IL1RAPL1: variants seen among roughly 807,000 people sequenced by gnomAD.
IL1RAPL1 encodes the protein interleukin 1 receptor accessory protein like 1, also known as interleukin-1 receptor accessory protein-like 1.
A neutral mutation model predicts 48.4 loss-of-function variants in IL1RAPL1; 3 were observed. The ratio of observed to expected loss-of-function variants is 0.06; its 90% CI spans 0.03 to 0.16. The LOEUF (loss-of-function observed/expected upper bound fraction) is 0.16. IL1RAPL1 is among the 10% of genes least tolerant of loss of function. The pLI is 1.00. For synonymous variants in IL1RAPL1, 185 were observed against 187.7 expected, an observed-to-expected ratio of 0.99 and a Z score of 0.12; for missense variants, 349 against 530.6, an observed-to-expected ratio of 0.66 and a Z score of 3.36.
chrX:29,904,377 T>TAAG (rs1265604559), intron 6 of IL1RAPL1, among the ~76,000 whole-genome samples: 2 of 111,446 alleles, frequency 1.8e-5, no homozygotes. Flanking sequence ...ATTTTAATTT[T>TAAG]TTAAGTTCTG....
chrX:28,751,518 TA>T (rs1271289227), intron 1 of IL1RAPL1, among the ~76,000 whole-genome samples: 1 of 112,065 alleles, frequency 8.9e-6, no homozygotes, highest in Non-Finnish European at 1.9e-5. Context: ...AATGTTTATG[TA>T]AAAAAAGTTG....
chrX:28,946,173 G>T (rs970880605), intron 2 of IL1RAPL1, among the ~76,000 whole-genome samples: 1 of 109,686 alleles, frequency 9.1e-6, no homozygotes, highest in African/African-American at 3.3e-5. Flanking sequence ...TCATTAATTT[G>T]TATCTGACGC....
chrX:29,757,109 ATG>A (rs1928637530), intron 6 of IL1RAPL1, among the ~76,000 whole-genome samples: 1 of 112,488 alleles, frequency 8.9e-6, no homozygotes, highest in African/African-American at 3.2e-5. Flanking sequence ...GAGCCAATAC[ATG>A]TCTGTTGTTT....
chrX:29,247,325 A>C (rs1328502736), intron 2 of IL1RAPL1, among the ~76,000 whole-genome samples: 1 of 111,848 alleles, frequency 8.9e-6, no homozygotes, highest in African/African-American at 3.2e-5. Flanking sequence ...AAAAATTTTT[A>C]TATAATCCTA....
At chrX:29,835,898 T>TC (rs751809384) in intron 6 of IL1RAPL1, among the ~76,000 whole-genome samples, 1,312 of 101,344 alleles carry the variant, frequency 0.013, 22 homozygotes, top group African/African-American at 0.048. Context: ...TTTTTTTTTT[T>TC]AGTTAGTTAG....
chrX:29,574,260 A>C (rs145706785), intron 5 of IL1RAPL1: 2,997 of 109,012 alleles, frequency 0.027, 116 homozygotes, highest in African/African-American at 0.096. Flanking sequence ...GCAAGGGGAA[A>C]ATCTGCCTCC....
rs199971765 is a variant in IL1RAPL1 at position 29,920,063 on chromosome X, T to C, written c.1026T>C (p.Arg342=). The C allele has an allele frequency of 2.8e-5, 34 of 1,210,082 alleles. No individual in the cohort carries two copies. Among genetic ancestry groups the C allele is most frequent in the Non-Finnish European group, 3.6e-5 (32 of 895,124 alleles). The stretch of plus-strand genomic sequence containing the variant: ...GTTATGTTGAAAATGGAAATGGACG[T>C]CGACACGCCAGCGTTCTCCTTCATA... ...YSCYVENGNG[R]RHASVLLHKR... The change falls in exon 8 of 11, where the codon CGT becomes CGC. Residue 342 remains arginine, a synonymous_variant. Transcript: ENST00000378993.
At chrX:28,594,219 C>T (rs1056003409) in intron 1 of IL1RAPL1, among the ~76,000 whole-genome samples, 4 of 110,786 alleles carry the variant, frequency 3.6e-5, no homozygotes, top group Admixed American at 2.9e-4. Context: ...AAGGTAAGTG[C>T]GTATGGTGGT....
intron 1 of IL1RAPL1, among the ~76,000 whole-genome samples, chrX:28,759,195 G>A (rs772745564): frequency 9.1e-6 from 1 of 109,622 alleles, no homozygotes; most frequent in East Asian, 2.9e-4. Flanking sequence ...GTGAGATCAC[G>A]CCATTGCACT....
chrX:29,040,803 C>T (rs751626738), intron 2 of IL1RAPL1, among the ~76,000 whole-genome samples: 9 of 111,913 alleles, frequency 8.0e-5, no homozygotes, highest in Admixed American at 1.9e-4. Context: ...ATGGAACTAA[C>T]CACCTACAGT....
intron 2 of IL1RAPL1, among the ~76,000 whole-genome samples, chrX:29,166,759 C>G (rs1435043346): frequency 2.7e-5 from 3 of 111,484 alleles, no homozygotes; most frequent in Admixed American, 1.9e-4. Flanking sequence ...CCATTCCTCT[C>G]ATCTTACTCT....
At position 29,677,429 on chromosome X, in the gene IL1RAPL1, C is replaced by G. The variant is rs905786759; in HGVS notation, c.778+8925C>G. ...ATGTCAGGTTTAAGAGGCTCTGTCC[C>G]CCATTCTCTTTTAAGCAGCTAATGA... is the stretch of plus-strand genomic sequence containing the variant. On this transcript the variant is annotated intron_variant, in intron 6 of 10. Transcript: ENST00000378993. Among the ~76,000 whole-genome samples the G allele has an allele frequency of 3.1e-4, 35 of 111,594 alleles. 1 individual carries two copies. The highest frequency in any genetic ancestry group is 1.1e-3 in the African/African-American group (35 of 30,745).
chrX:28,879,433 A>G lies in IL1RAPL1; in HGVS notation c.82+90008A>G, dbSNP rs183067233. On this transcript the variant is annotated intron_variant, in intron 2 of 10. Coordinates refer to ENST00000378993, the MANE Select transcript of IL1RAPL1 (RefSeq NM_014271.4). ...AATACCTAATATATAAATAATTATA[A>G]TAATAAACCACATTGTCAAAAGAGA... is the stretch of plus-strand genomic sequence containing the variant. Among the ~76,000 whole-genome samples, 42 of 111,689 alleles carry G rather than the reference A, an allele frequency of 3.8e-4. 1 individual carries two copies. The highest frequency in any genetic ancestry group is 3.7e-3 in the Admixed American group (39 of 10,417).
chrX:29,412,915 A>G (rs1934162863), intron 5 of IL1RAPL1, among the ~76,000 whole-genome samples: 1 of 112,329 alleles, frequency 8.9e-6, no homozygotes, highest in African/African-American at 3.2e-5. Flanking sequence ...ATACAAATGG[A>G]AGTGGCTACT....
chrX:29,780,033 G>A (rs1178724135), intron 6 of IL1RAPL1, among the ~76,000 whole-genome samples: 1 of 110,757 alleles, frequency 9.0e-6, no homozygotes, highest in Non-Finnish European at 1.9e-5. Flanking sequence ...ATATCACTAC[G>A]TTTGCTGACG....
At chrX:29,206,064 T>C (rs1328864420) in intron 2 of IL1RAPL1, among the ~76,000 whole-genome samples, 1 of 111,432 alleles carries the variant, frequency 9.0e-6, no homozygotes, top group Non-Finnish European at 1.9e-5. Context: ...CTATAATTTG[T>C]ATTAGATATT....
intron 5 of IL1RAPL1, among the ~76,000 whole-genome samples, chrX:29,467,422 T>C (rs1934874616): frequency 8.9e-6 from 1 of 112,433 alleles, no homozygotes; most frequent in Non-Finnish European, 1.9e-5. Flanking sequence ...ACAGGCATAT[T>C]GAGACTAGAT....
At chrX:28,686,838 G>C (rs1185789388) in intron 1 of IL1RAPL1, among the ~76,000 whole-genome samples, 1 of 111,853 alleles carries the variant, frequency 8.9e-6, no homozygotes, top group Non-Finnish European at 1.9e-5. Context: ...AAGACAGTAA[G>C]AGATGTTGTG....
At chrX:29,908,781 A>G (rs1932702209) in intron 6 of IL1RAPL1, among the ~76,000 whole-genome samples, 1 of 112,293 alleles carries the variant, frequency 8.9e-6, no homozygotes, top group Non-Finnish European at 1.9e-5. Context: ...AAGTCAAAAT[A>G]TAGGGCTTTT....
Sources: gnomAD v4.1 joint callset for allele counts (sites outside exome capture counted in the v4.1 genomes callset) on GRCh38, gnomAD v4.1.1 for gene constraint, MANE v1.5 for transcripts, NCBI Gene and HGNC (gene_info 2026-07-23, HGNC 2026-07-21) for gene names.